Variants in LRRC37A2 observed in about 807,000 individuals in gnomAD.
LRRC37A2 encodes the protein leucine-rich repeat-containing protein 37A2.
Under a neutral mutation model 68.8 loss-of-function variants are expected in LRRC37A2, and 9 were observed. The ratio of observed to expected loss-of-function variants is 0.13; its 90% CI spans 0.08 to 0.23. The LOEUF is 0.23. LRRC37A2 is among the 10% of genes least tolerant of loss of function. The pLI is 1.00. For synonymous variants in LRRC37A2, 63 were observed against 367.6 expected (o/e 0.17, Z 9.48); for missense variants, 168 against 950.4 (o/e 0.18, Z 10.82).
chr17:46,490,244 A>G, the LRRC37A2 span, among the ~76,000 whole-genome samples: 2 of 151,294 alleles, frequency 1.3e-5, no homozygotes, highest in African/African-American at 4.9e-5. Flanking sequence ...GCCATAGACA[A>G]TAAGTAAACA....
chr17:46,692,964 A>G, the LRRC37A2 span: 3 of 1,566,616 alleles, frequency 1.9e-6, no homozygotes, highest in South Asian at 3.4e-5. Flanking sequence ...ATCTGCAAGC[A>G]GAGAGGGAGC....
At chr17:46,741,655 G>A in the LRRC37A2 span, among the ~76,000 whole-genome samples, 411 of 152,284 alleles carry the variant, frequency 2.7e-3, no homozygotes, top group Admixed American at 5.9e-3. Flanking sequence ...ATGCAAAGAG[G>A]CCCAATTCCT....
the LRRC37A2 span, among the ~76,000 whole-genome samples, chr17:46,807,359 A>G: frequency 6.6e-6 from 1 of 152,188 alleles, no homozygotes; most frequent in African/African-American, 2.4e-5. Context: ...GCGCATGCCT[A>G]TAATCCCAGG....
intron 8 of LRRC37A2, among the ~76,000 whole-genome samples, chr17:46,545,347 A>G (rs1285061757): frequency 7.1e-6 from 1 of 139,970 alleles, no homozygotes; most frequent in Admixed American, 7.0e-5. Flanking sequence ...GCTACTCAGG[A>G]GGCTGAATTT....
At chr17:46,735,115 C>T in the LRRC37A2 span, among the ~76,000 whole-genome samples, 21 of 152,082 alleles carry the variant, frequency 1.4e-4, no homozygotes, top group African/African-American at 5.1e-4. Context: ...CAGATATCTG[C>T]TGAATAAAAT....
chr17:46,916,762 T>C, the LRRC37A2 span: 1 of 152,216 alleles, frequency 6.6e-6, no homozygotes, highest in African/African-American at 2.4e-5. Context: ...CTGGGTAATG[T>C]TTAAAGAAAA....
chr17:46,797,596 G>T, the LRRC37A2 span, among the ~76,000 whole-genome samples: 1 of 152,224 alleles, frequency 6.6e-6, no homozygotes, highest in South Asian at 2.1e-4. Flanking sequence ...GCATCATCTT[G>T]TAAAGCTCAA....
the LRRC37A2 span, among the ~76,000 whole-genome samples, chr17:46,786,011 G>GT: frequency 6.6e-5 from 10 of 152,342 alleles, no homozygotes; most frequent in African/African-American, 2.4e-4. Flanking sequence ...GTTTAAACCT[G>GT]TTTTTTGTTG....
chr17:47,018,528 G>A, the LRRC37A2 span: 4 of 1,520,736 alleles, frequency 2.6e-6, no homozygotes, highest in African/African-American at 1.4e-5. Context: ...CTCAGGGTCA[G>A]GTAATGATGT....
the LRRC37A2 span, among the ~76,000 whole-genome samples, chr17:46,390,261 T>C: frequency 3.4e-5 from 3 of 87,094 alleles, no homozygotes; most frequent in African/African-American, 6.5e-5. Flanking sequence ...CCAAAGTCCC[T>C]ATCTCCAAAA....
the LRRC37A2 span, chr17:46,728,859 C>T: frequency 6.3e-6 from 10 of 1,598,784 alleles, no homozygotes; most frequent in African/African-American, 1.3e-5. Flanking sequence ...TTCCAGATTA[C>T]GTCCCTATTG....
the LRRC37A2 span, among the ~76,000 whole-genome samples, chr17:46,685,477 A>T: frequency 6.6e-6 from 1 of 152,002 alleles, no homozygotes; most frequent in Non-Finnish European, 1.5e-5. Flanking sequence ...ACGGAGATGA[A>T]CACTTGCATA....
At chr17:46,908,383 G>A in the LRRC37A2 span, among the ~76,000 whole-genome samples, 85 of 152,222 alleles carry the variant, frequency 5.6e-4, no homozygotes, top group East Asian at 0.012. Flanking sequence ...CAAAATGATC[G>A]CCATTAATGC....
the LRRC37A2 span, among the ~76,000 whole-genome samples, chr17:47,022,202 A>T: frequency 0.025 from 898 of 35,614 alleles, no homozygotes; most frequent in Middle Eastern, 0.054. Context: ...ACAGGTTCTT[A>T]CTTTGTCCTC....
chr17:46,956,829 C>T, the LRRC37A2 span, among the ~76,000 whole-genome samples: 1 of 152,174 alleles, frequency 6.6e-6, no homozygotes, highest in South Asian at 2.1e-4. Context: ...TCCCCTCACT[C>T]CCGCCCCAAG....
At chr17:46,837,475 T>C in the LRRC37A2 span, among the ~76,000 whole-genome samples, 1 of 152,100 alleles carries the variant, frequency 6.6e-6, no homozygotes, top group Non-Finnish European at 1.5e-5. Context: ...TGTATGACAT[T>C]TGTTTCCCCA....
At chr17:46,899,204 G>C in the LRRC37A2 span, among the ~76,000 whole-genome samples, 3 of 152,014 alleles carry the variant, frequency 2.0e-5, no homozygotes, top group Non-Finnish European at 4.4e-5. Flanking sequence ...AGCCTGGCCA[G>C]TGTGGCGAAA....
the LRRC37A2 span, chr17:46,942,039 T>G: frequency 1.3e-6 from 1 of 762,924 alleles, no homozygotes; most frequent in African/African-American, 1.9e-5. Flanking sequence ...CAAAAAAGAT[T>G]TGAGGAGACT....
the LRRC37A2 span, among the ~76,000 whole-genome samples, chr17:46,898,464 C>G: frequency 6.6e-6 from 1 of 152,226 alleles, no homozygotes; most frequent in Non-Finnish European, 1.5e-5. Context: ...GTTCTCTGCC[C>G]ACCCTGGCCA....
Sources: allele counts gnomAD v4.1 joint callset (sites outside exome capture counted in the v4.1 genomes callset), GRCh38; gene constraint gnomAD v4.1.1; transcripts MANE v1.5; gene names NCBI Gene and HGNC (gene_info 2026-07-23, HGNC 2026-07-21).